ACMSD: variants seen among roughly 807,000 people sequenced by gnomAD.
The protein encoded by ACMSD is aminocarboxymuconate semialdehyde decarboxylase.
A neutral mutation model predicts 45.9 loss-of-function variants in ACMSD; 37 were observed. The ratio of observed to expected loss-of-function variants is 0.81; its 90% CI spans 0.62 to 1.06. The LOEUF is 1.06. Among genes scored for constraint, ACMSD ranks in the 50% least tolerant of loss-of-function variants. The probability of loss-of-function intolerance (pLI) is 0.00; values close to 1 mark genes in which losing one functional copy is unlikely to be tolerated. For missense variants in ACMSD, 434 were observed against 420.9 expected (o/e 1.03, Z -0.27); for synonymous variants, 138 against 148.8 (o/e 0.93, Z 0.53).
chr2:134,877,591 C>T (rs1688805394), intron 8 of ACMSD: 1 of 151,832 alleles, frequency 6.6e-6, no homozygotes, highest in East Asian at 2.0e-4. Flanking sequence ...CTCTTCACAG[C>T]TGCTTGAGTG....
chr2:134,900,722 G>C (rs950669660), intron 9 of ACMSD, among the ~76,000 whole-genome samples: 2 of 152,130 alleles, frequency 1.3e-5, no homozygotes, highest in Admixed American at 1.3e-4. Context: ...CATAGATAAG[G>C]GGGGACTGCT....
chr2:134,854,869 G>C (rs6430548), intron 2 of ACMSD, among the ~76,000 whole-genome samples: 77,078 of 151,786 alleles, frequency 0.51, 20,459 homozygotes, highest in Middle Eastern at 0.82. Flanking sequence ...TCACCAGTCA[G>C]TGCTGCTACT....
chr2:134,867,662 T>A lies in ACMSD; in HGVS notation c.570T>A (p.Pro190=), dbSNP rs761156777. The change falls in exon 6 of 10, where the codon CCT becomes CCA. Residue 190 remains proline (P), a synonymous_variant. Transcript: ENST00000356140. The part of the protein sequence containing the change: ...MDGRMAKYWL[P]WLVGMPAETT... ...GACGAATGGCCAAATACTGGCTCCCTTGGCTTGTAGGTTTGTGTCTGTGTG... is the reference window on the plus strand; with the variant it reads ...GACGAATGGCCAAATACTGGCTCCCATGGCTTGTAGGTTTGTGTCTGTGTG... 3 of 1,613,532 alleles carry A rather than the reference T, an allele frequency of 1.9e-6. No individual in the cohort carries two copies. In the Admixed American group the frequency reaches 5.0e-5, roughly 27 times the overall value.
In ACMSD at chr2:134,863,590, G is replaced by T. The variant is rs757635581; in HGVS notation, c.445G>T (p.Glu149Ter). 1.2e-6 allele frequency: 2 copies of T among 1,614,200 alleles called. No individual in the cohort carries two copies. Among genetic ancestry groups the T allele is most frequent in the South Asian group, 1.1e-5 (1 of 91,082 alleles). ...GGTCCAAATTGGCACCCACGTCAAC[G>T]AGTGGGACCTGAACGCGCAGGAGCT... ...PGVQIGTHVN[E>*]WDLNAQELFP... The change falls in exon 5 of 10, where the codon GAG becomes TAG. Residue 149 changes from glutamate to a stop codon, truncating the protein, a stop_gained. Transcript: ENST00000356140. LOFTEE classifies it high-confidence loss of function.
At chr2:134,838,797 C>A in intron 1 of ACMSD, 58 bp downstream of exon 1, 1 of 1,345,380 alleles carries the variant, frequency 7.4e-7, no homozygotes, top group Non-Finnish European at 1.1e-6. Context: ...TTCTCAATGC[C>A]TTTCTCTTCT....
At chr2:134,864,270 A>G (rs1398596682) in intron 5 of ACMSD, among the ~76,000 whole-genome samples, 2 of 147,396 alleles carry the variant, frequency 1.4e-5, no homozygotes, top group East Asian at 3.9e-4. Context: ...CTCCATCTCA[A>G]AAAAAAAAAA....
intron 1 of ACMSD, among the ~76,000 whole-genome samples, chr2:134,839,144 T>C (rs1377972009): frequency 6.6e-6 from 1 of 152,212 alleles, no homozygotes; most frequent in Non-Finnish European, 1.5e-5. Context: ...ACTTCTAAAA[T>C]ATATCTCCTT....
intron 8 of ACMSD, among the ~76,000 whole-genome samples, chr2:134,873,890 T>A (rs1307196400): frequency 1.3e-5 from 2 of 152,130 alleles, no homozygotes; most frequent in Non-Finnish European, 2.9e-5. Flanking sequence ...CTCTGGACAT[T>A]GAGCAATGGA....
chr2:134,879,999 T>A (rs1262466277), intron 8 of ACMSD, among the ~76,000 whole-genome samples: 5 of 152,204 alleles, frequency 3.3e-5, no homozygotes, highest in Non-Finnish European at 4.4e-5. Context: ...GACAACATCC[T>A]TCAATAACTT....
intron 4 of ACMSD, chr2:134,862,967 A>G (rs1687916810): frequency 1.0e-6 from 1 of 985,346 alleles, no homozygotes; most frequent in African/African-American, 1.7e-5. Context: ...CAAGTCAGTG[A>G]GCCAGCCTGG....
intron 2 of ACMSD, among the ~76,000 whole-genome samples, chr2:134,851,736 C>T (rs1040644559): frequency 6.6e-6 from 1 of 152,224 alleles, no homozygotes; most frequent in Non-Finnish European, 1.5e-5. Flanking sequence ...AGCCACCATG[C>T]CTGGCCACAA....
chr2:134,892,535 A>G (rs990945917), intron 8 of ACMSD, among the ~76,000 whole-genome samples: 22 of 152,118 alleles, frequency 1.4e-4, no homozygotes, highest in Non-Finnish European at 2.6e-4. Flanking sequence ...TTCTAGTTGG[A>G]GGCTAGATGA....
Position 134,871,068 on chromosome 2 carries a change from C to A in ACMSD, c.676+8C>A, listed in dbSNP as rs1487703037. On this transcript the variant is annotated splice_region_variant and intron_variant, in intron 7 of 9. Transcript: ENST00000356140. ...TGTGTTTCGCACATGGTGGTAAGACCCTATCTTTATTAGTCAGCTCAGGCT... is the reference window on the plus strand; with the variant it reads ...TGTGTTTCGCACATGGTGGTAAGACACTATCTTTATTAGTCAGCTCAGGCT... 6.2e-7 allele frequency: 1 copy of A among 1,611,430 alleles called. No homozygotes were observed. The highest frequency in any genetic ancestry group is 1.3e-5 in the African/African-American group (1 of 74,814).
intron 5 of ACMSD, among the ~76,000 whole-genome samples, chr2:134,865,527 A>G (rs958411959): frequency 2.0e-5 from 3 of 152,198 alleles, no homozygotes; most frequent in Admixed American, 1.3e-4. Context: ...GAGGACATCC[A>G]GTCTCTGAAG....
chr2:134,871,094 G>A lies in ACMSD; in HGVS notation c.676+34G>A, dbSNP rs771158185. The A allele has an allele frequency of 1.5e-5, 24 of 1,572,160 alleles. No individual in the cohort carries two copies. In the African/African-American group the frequency reaches 3.0e-4, roughly 19 times the overall value. ...CTATCTTTATTAGTCAGCTCAGGCT[G>A]TCACAACAAAATCCCACAGATGGGG... is the stretch of plus-strand genomic sequence containing the variant. On this transcript the variant is annotated intron_variant, in intron 7 of 9. Transcript: ENST00000356140.
At chr2:134,880,909 G>A (rs1361827490) in intron 8 of ACMSD, among the ~76,000 whole-genome samples, 2 of 152,142 alleles carry the variant, frequency 1.3e-5, no homozygotes, top group Admixed American at 6.6e-5. Context: ...TTTGTGTTAT[G>A]TGAATTTCAC....
intron 8 of ACMSD, among the ~76,000 whole-genome samples, chr2:134,885,107 G>C (rs558748562): frequency 9.6e-4 from 143 of 149,698 alleles, no homozygotes; most frequent in Non-Finnish European, 1.6e-3. Flanking sequence ...GAGGTGAGAG[G>C]ATCACTTGAG....
At chr2:134,841,752 T>C (rs1011804338) in intron 1 of ACMSD, among the ~76,000 whole-genome samples, 5 of 152,234 alleles carry the variant, frequency 3.3e-5, no homozygotes, top group African/African-American at 9.6e-5. Context: ...TGCCCAATAG[T>C]AGGGCTTGCA....
chr2:134,897,850 G>A (rs948054632), intron 8 of ACMSD, among the ~76,000 whole-genome samples: 4 of 150,528 alleles, frequency 2.7e-5, no homozygotes, highest in African/African-American at 9.7e-5. Flanking sequence ...CCAGAGATAG[G>A]GGATTTTCTT....
Sources: allele counts gnomAD v4.1 joint callset (sites outside exome capture counted in the v4.1 genomes callset), GRCh38; gene constraint gnomAD v4.1.1; transcripts MANE v1.5; gene names NCBI Gene and HGNC (gene_info 2026-07-23, HGNC 2026-07-21).